STRA8: variants seen among roughly 807,000 people sequenced by gnomAD.
STRA8 encodes stimulated by retinoic acid 8.
STRA8 carries 18 observed loss-of-function variants against 37.1 expected under a neutral mutation model. The ratio of observed to expected loss-of-function variants is 0.48; its 90% CI spans 0.34 to 0.72. STRA8 has a LOEUF of 0.72. Among genes scored for constraint, STRA8 ranks in the 30% least tolerant of loss-of-function variants. The pLI, the probability that STRA8 is intolerant of heterozygous loss-of-function variation, is 0.01. For synonymous variants in STRA8, 168 were observed against 162.9 expected, an observed-to-expected ratio of 1.03 and a Z score of -0.24; for missense variants, 357 against 410.4, an observed-to-expected ratio of 0.87 and a Z score of 1.13.
At chr7:135,237,723 C>T (rs1832398697) in intron 1 of STRA8, among the ~76,000 whole-genome samples, 1 of 152,138 alleles carries the variant, frequency 6.6e-6, no homozygotes. Context: ...GAAACCCCGT[C>T]TCTACTAAAA....
At chr7:135,244,558 CTAAG>C (rs1375907472) in intron 4 of STRA8, among the ~76,000 whole-genome samples, 2 of 152,152 alleles carry the variant, frequency 1.3e-5, no homozygotes, top group Admixed American at 6.5e-5. Flanking sequence ...TTGTTTAAAA[CTAAG>C]TATGTCATTT....
Position 135,245,316 on chromosome 7 carries a change from G to T in STRA8, c.382G>T (p.Gly128Cys), listed in dbSNP as rs1383820062. The T allele has an allele frequency of 6.4e-6, 5 of 780,978 alleles. No homozygotes were observed. The highest frequency in any genetic ancestry group is 9.6e-6 in the Non-Finnish European group (4 of 418,112). 48.4% of individuals were successfully genotyped at this position (780,978 alleles called of 1,614,324 possible). A position where few individuals can be genotyped will look rare whatever the true frequency, so the allele number is the denominator to read the frequency against. ...GCTTTCAAACAGTTTTCCTCAGAAT[G>T]GTTCCTCCCCTTGGTGCCCAACTGA... ...SLLSNSFPQN[G>C]SSPWCPTEAV... Residue 128 changes from glycine to cysteine, a missense_variant, in exon 5 of 9, where the codon GGT becomes TGT. Coordinates refer to ENST00000662584, the MANE Select transcript of STRA8 (RefSeq NM_001394401.1).
intron 8 of STRA8, 95 bp downstream of exon 8, chr7:135,255,320 T>G: frequency 1.1e-6 from 1 of 904,032 alleles, no homozygotes; most frequent in Non-Finnish European, 1.8e-6. Context: ...CTCACCCCAA[T>G]CATACCATGA....
intron 7 of STRA8, among the ~76,000 whole-genome samples, chr7:135,254,362 T>G (rs1051329430): frequency 5.9e-5 from 9 of 152,232 alleles, no homozygotes; most frequent in African/African-American, 2.2e-4. Context: ...GGCTGCCTGC[T>G]GACTCACAGT....
In STRA8 at chr7:135,242,820, C is replaced by T. The variant is rs146669253; in HGVS notation, c.232C>T (p.Leu78=). Residue 78 remains leucine (L), a synonymous_variant, in exon 3 of 9, where the codon CTG becomes TTG. Transcript: ENST00000662584. The stretch of plus-strand genomic sequence containing the variant: ...TAAGGCAAAGAGTCATATTCCAGAA[C>T]TGGAGCAAACCCTGGATAATTTGCT... ...LNKAKSHIPE[L]EQTLDNLLKL... 260 of 1,614,100 alleles carry T rather than the reference C, an allele frequency of 1.6e-4. No individual in the cohort carries two copies. The highest frequency in any genetic ancestry group is 1.8e-4 in the Non-Finnish European group (213 of 1,180,034).
At chr7:135,240,136 A>C (rs1832438536) in intron 1 of STRA8, among the ~76,000 whole-genome samples, 1 of 152,174 alleles carries the variant, frequency 6.6e-6, no homozygotes, top group Middle Eastern at 3.2e-3. Flanking sequence ...CCCTGAAATT[A>C]ACAAGTGTCT....
At chr7:135,248,864 C>T (rs1049934701) in intron 6 of STRA8, among the ~76,000 whole-genome samples, 7 of 152,176 alleles carry the variant, frequency 4.6e-5, no homozygotes, top group African/African-American at 9.7e-5. Context: ...GTCCTTTCCC[C>T]GACCCCCGAA....
In STRA8 at chr7:135,251,778, T is replaced by C; in HGVS notation, c.880-18T>C. The C allele has an allele frequency of 6.2e-7, 1 of 1,613,562 alleles. No homozygotes were observed. Among genetic ancestry groups the C allele is most frequent in the Non-Finnish European group, 8.5e-7 (1 of 1,179,562 alleles). ...GTCAAGTTATTTCCAACACATGAAGTGTTGTGCTTTCTTTCAGATCCTTTT... is the reference window on the plus strand; with the variant it reads ...GTCAAGTTATTTCCAACACATGAAGCGTTGTGCTTTCTTTCAGATCCTTTT... On this transcript the variant is annotated intron_variant, in intron 6 of 8. Transcript: ENST00000662584.
intron 6 of STRA8, among the ~76,000 whole-genome samples, chr7:135,250,366 G>A (rs1832619699): frequency 6.6e-6 from 1 of 152,210 alleles, no homozygotes; most frequent in African/African-American, 2.4e-5. Context: ...CTGCCAGGGA[G>A]CAACATGTAG....
At chr7:135,255,680 A>C (rs1342036628) in intron 8 of STRA8, among the ~76,000 whole-genome samples, 2 of 152,218 alleles carry the variant, frequency 1.3e-5, no homozygotes, top group Non-Finnish European at 2.9e-5. Flanking sequence ...CTAATGCCTG[A>C]TGATCTGAGG....
chr7:135,233,336 T>C (rs1832320189), upstream of STRA8, among the ~76,000 whole-genome samples: 1 of 152,192 alleles, frequency 6.6e-6, no homozygotes, highest in Admixed American at 6.5e-5. Context: ...CTCCCTTTTA[T>C]GCGTTTATTT....
intron 7 of STRA8, among the ~76,000 whole-genome samples, chr7:135,253,930 C>T (rs1235569280): frequency 6.6e-6 from 1 of 152,186 alleles, no homozygotes; most frequent in Non-Finnish European, 1.5e-5. Flanking sequence ...GGCCTTGGGG[C>T]CACAGCTGTC....
rs1201602590 is a variant in STRA8, at chr7:135,246,241, C to T, written c.594-176C>T. On this transcript the variant is annotated intron_variant, in intron 5 of 8. Coordinates refer to ENST00000662584, the MANE Select transcript of STRA8 (RefSeq NM_001394401.1). This position sits in a 1 kb window ranked among gnomAD's most constrained non-coding sequence, Gnocchi z 5.4. ...CCAAGTCTATGTCCTTCATGGCCCC[C>T]AGGAAGGCTGCTGCTCTCCAAGGGC... is the stretch of plus-strand genomic sequence containing the variant. 1.2e-6 allele frequency: 1 copy of T among 839,556 alleles called. No homozygotes were observed. Among genetic ancestry groups the T allele is most frequent in the East Asian group, 2.7e-5 (1 of 37,448 alleles). The allele number at this position is 839,556 out of a possible 1,614,324, so 52.0% of individuals were successfully genotyped here.
intron 1 of STRA8, among the ~76,000 whole-genome samples, chr7:135,239,323 C>G (rs530836204): frequency 3.5e-4 from 54 of 152,160 alleles, no homozygotes; most frequent in Non-Finnish European, 5.3e-4. Flanking sequence ...GGGTTCAGAT[C>G]CGATGTTTTC....
chr7:135,257,928 A>G (rs1832724417), intron 8 of STRA8, among the ~76,000 whole-genome samples: 1 of 152,220 alleles, frequency 6.6e-6, no homozygotes, highest in African/African-American at 2.4e-5. Flanking sequence ...CAGATATTAT[A>G]TATTCTTTCA....
Position 135,234,674 on chromosome 7 carries a change from A to G in STRA8, c.-7+771A>G, listed in dbSNP as rs536128653. On this transcript the variant is annotated intron_variant, in intron 1 of 8. Coordinates refer to ENST00000662584, the MANE Select transcript of STRA8 (RefSeq NM_001394401.1). ...TATTAAAAAGTGTTTTAATAGGAAA[A>G]TATGTGGTAATGAAAGTATGCTCTG... Among the ~76,000 whole-genome samples the G allele has an allele frequency of 3.3e-5, 5 of 152,272 alleles. No individual in the cohort carries two copies. In the East Asian group the frequency reaches 9.6e-4, roughly 29 times the overall value.
intron 2 of STRA8, among the ~76,000 whole-genome samples, chr7:135,241,178 G>A (rs975610426): frequency 3.3e-5 from 5 of 152,110 alleles, no homozygotes; most frequent in Admixed American, 1.3e-4. Flanking sequence ...TCCACCCTAC[G>A]AACAAGCCCA....
chr7:135,243,594 T>C (rs1832500386), intron 4 of STRA8, among the ~76,000 whole-genome samples, 184 bp downstream of exon 4: 1 of 152,158 alleles, frequency 6.6e-6, no homozygotes, highest in South Asian at 2.1e-4. Context: ...CATGCATCAA[T>C]TTTTTCCCAA....
rs1832736044 is a variant in STRA8, at chr7:135,258,575, G to A, written c.*83G>A. On this transcript the variant is annotated 3_prime_UTR_variant, in exon 9 of 9. Transcript: ENST00000662584. ...AATGCTGGCAGCTAAGGTTGCACCT[G>A]CCTTGGCCTCCAGGACTCTTTGGAG... 3 of 1,200,228 alleles carry A rather than the reference G, an allele frequency of 2.5e-6. No homozygotes were observed. The South Asian group carries it at 4.1e-5, about 16-fold the overall frequency. The allele number at this position is 1,200,228 out of a possible 1,614,324, so 74.3% of individuals were successfully genotyped here.
Sources: gnomAD v4.1 joint callset for allele counts (sites outside exome capture counted in the v4.1 genomes callset) on GRCh38, gnomAD v4.1.1 for gene constraint, Gnocchi (gnomAD v3.1) non-coding constraint, MANE v1.5 for transcripts, NCBI Gene and HGNC (gene_info 2026-07-23, HGNC 2026-07-21) for gene names.